Variants in PRKG1 observed in about 807,000 individuals in gnomAD.
PRKG1 encodes the protein protein kinase cGMP-dependent 1.
In PRKG1, 35 loss-of-function variants were observed where a neutral mutation model predicts 88.1. That is an observed-to-expected ratio of 0.40 (90% CI 0.30 to 0.53). The LOEUF (loss-of-function observed/expected upper bound fraction) is 0.53. PRKG1 is among the 20% of genes least tolerant of loss of function. The pLI, the probability that PRKG1 is intolerant of heterozygous loss-of-function variation, is 0.59. For synonymous variants in PRKG1, 303 were observed against 292.5 expected, an observed-to-expected ratio of 1.04 and a Z score of -0.37; for missense variants, 540 against 839.8, an observed-to-expected ratio of 0.64 and a Z score of 4.41.
At chr10:51,835,222 G>C (rs1161550021) in intron 4 of PRKG1, among the ~76,000 whole-genome samples, 1 of 152,214 alleles carries the variant, frequency 6.6e-6, no homozygotes, top group South Asian at 2.1e-4. Context: ...CTGGCAGGTG[G>C]TACTTGACAA....
chr10:51,927,742 C>G (rs1161551107), intron 5 of PRKG1, among the ~76,000 whole-genome samples: 1 of 152,108 alleles, frequency 6.6e-6, no homozygotes, highest in Non-Finnish European at 1.5e-5. Flanking sequence ...GGACTGAAAA[C>G]AAAAGTTGAC....
chr10:51,874,219 G>A (rs1841233625), intron 4 of PRKG1, among the ~76,000 whole-genome samples: 1 of 152,120 alleles, frequency 6.6e-6, no homozygotes, highest in Admixed American at 6.5e-5. Flanking sequence ...AATATGATTT[G>A]TTCTCCTTTT....
chr10:50,991,247 C>T lies in PRKG1; in HGVS notation c.-132C>T. 2 of 1,327,720 alleles carry T rather than the reference C, an allele frequency of 1.5e-6. No individual in the cohort carries two copies. The highest frequency in any genetic ancestry group is 2.0e-6 in the Non-Finnish European group (2 of 1,005,030). 82.2% of individuals were successfully genotyped at this position (1,327,720 alleles called of 1,614,324 possible). A position where few individuals can be genotyped will look rare whatever the true frequency, so the allele number is the denominator to read the frequency against. On this transcript the variant is annotated 5_prime_UTR_variant, in exon 1 of 18. Transcript: ENST00000401604. The surrounding 1 kb of genome is among the most constrained non-coding windows in gnomAD (Gnocchi z 4.5). ...GCCGCATTAGGGGCGCACTCCGCCG[C>T]GCTCGAGTACTTAGCGCCCATTCAC...
chr10:51,436,175 G>GT (rs60182756), intron 2 of PRKG1, among the ~76,000 whole-genome samples: 9,965 of 132,692 alleles, frequency 0.075, 548 homozygotes, highest in African/African-American at 0.17. Flanking sequence ...TCTGTAAGTT[G>GT]TTTTTTTTTT....
intron 2 of PRKG1, among the ~76,000 whole-genome samples, chr10:51,330,066 C>G (rs575841413): frequency 6.8e-6 from 1 of 147,638 alleles, no homozygotes; most frequent in East Asian, 2.0e-4. Flanking sequence ...TTATCTTTCT[C>G]TTTTCCTTAT....
At chr10:51,855,226 C>T (rs536500900) in intron 4 of PRKG1, among the ~76,000 whole-genome samples, 2 of 152,246 alleles carry the variant, frequency 1.3e-5, no homozygotes, top group East Asian at 3.9e-4. Flanking sequence ...ATTAAAGTAT[C>T]AGGCAAGGCT....
chr10:52,037,702 T>C (rs11000539), intron 5 of PRKG1, among the ~76,000 whole-genome samples: 83,613 of 151,970 alleles, frequency 0.55, 23,308 homozygotes, highest in Admixed American at 0.65. Flanking sequence ...GGGCTAGTCA[T>C]GGAACGAAAC....
chr10:51,258,974 C>G (rs1839634721), intron 2 of PRKG1, among the ~76,000 whole-genome samples: 1 of 152,158 alleles, frequency 6.6e-6, no homozygotes, highest in Non-Finnish European at 1.5e-5. Context: ...AATATTCCTT[C>G]TTGTTTCTGC....
At chr10:50,992,764 T>C (rs951009184) in intron 1 of PRKG1, among the ~76,000 whole-genome samples, 1 of 149,266 alleles carries the variant, frequency 6.7e-6, no homozygotes, top group Non-Finnish European at 1.5e-5. Flanking sequence ...TTAAAGCGCC[T>C]CTGGACATTA....
intron 3 of PRKG1, among the ~76,000 whole-genome samples, chr10:51,727,556 A>G (rs1160632954): frequency 2.0e-5 from 3 of 152,150 alleles, no homozygotes; most frequent in African/African-American, 7.2e-5. Flanking sequence ...CGTTGACATT[A>G]ATGTTTTGCT....
At chr10:51,639,764 A>G (rs900581090) in intron 3 of PRKG1, among the ~76,000 whole-genome samples, 11 of 151,892 alleles carry the variant, frequency 7.2e-5, no homozygotes, top group Non-Finnish European at 1.0e-4. Context: ...TGTAAAAGTA[A>G]TTGTGGTTTT....
intron 7 of PRKG1, among the ~76,000 whole-genome samples, chr10:52,073,838 A>C (rs1241532887): frequency 6.6e-6 from 1 of 152,234 alleles, no homozygotes; most frequent in Non-Finnish European, 1.5e-5. Context: ...AACATAATGC[A>C]TAAAAAAATT....
chr10:52,097,186 C>G (rs557156008), intron 7 of PRKG1, among the ~76,000 whole-genome samples: 100 of 152,204 alleles, frequency 6.6e-4, no homozygotes, highest in African/African-American at 2.3e-3. Context: ...CCACTCTAGG[C>G]AGAAAATAGG....
intron 3 of PRKG1, among the ~76,000 whole-genome samples, chr10:51,759,066 T>C (rs983204777): frequency 1.3e-5 from 2 of 152,206 alleles, no homozygotes; most frequent in Non-Finnish European, 2.9e-5. Context: ...ATGGTTTATA[T>C]GTGCAACATT....
chr10:51,253,525 G>A (rs956154336), intron 2 of PRKG1, among the ~76,000 whole-genome samples: 1 of 151,822 alleles, frequency 6.6e-6, no homozygotes, highest in Admixed American at 6.6e-5. Flanking sequence ...TAAACTCTGA[G>A]TTGGATGTTA....
At chr10:51,155,689 C>G (rs969442307) in intron 2 of PRKG1, among the ~76,000 whole-genome samples, 3 of 151,900 alleles carry the variant, frequency 2.0e-5, no homozygotes, top group African/African-American at 7.2e-5. Flanking sequence ...CTGGCAAGTC[C>G]AAAATCTACA....
intron 1 of PRKG1, among the ~76,000 whole-genome samples, chr10:51,137,915 T>G (rs1037608882): frequency 6.6e-6 from 1 of 152,152 alleles, no homozygotes; most frequent in Non-Finnish European, 1.5e-5. Context: ...GATGATTAAA[T>G]GTTGTGGGAA....
chr10:51,907,449 T>A, intron 4 of PRKG1, 58 bp from the exon 5 acceptor site: 1 of 1,347,844 alleles, frequency 7.4e-7, no homozygotes, highest in South Asian at 1.3e-5. Context: ...TCATTTTTAT[T>A]ACTTATGAAA....
At chr10:51,003,396 A>G (rs1842909612) in intron 1 of PRKG1, among the ~76,000 whole-genome samples, 1 of 152,222 alleles carries the variant, frequency 6.6e-6, no homozygotes, top group South Asian at 2.1e-4. Flanking sequence ...CCAGGGCATC[A>G]CGAGAGGTGT....
Sources: allele counts gnomAD v4.1 joint callset (sites outside exome capture counted in the v4.1 genomes callset), GRCh38; gene constraint gnomAD v4.1.1; non-coding constraint Gnocchi (gnomAD v3.1); transcripts MANE v1.5; gene names NCBI Gene and HGNC (gene_info 2026-07-23, HGNC 2026-07-21).